The following SLC2A1 variants were observed in gnomAD, a reference collection of about 807,000 sequenced individuals.
SLC2A1 encodes the protein solute carrier family 2, facilitated glucose transporter member 1.
Under a neutral mutation model 46.6 loss-of-function variants are expected in SLC2A1, and 4 were observed. The ratio of observed to expected loss-of-function variants is 0.09; its 90% CI spans 0.04 to 0.20. SLC2A1 has a LOEUF of 0.20. Ranked by LOEUF, SLC2A1 falls within the 10% of genes least tolerant of loss-of-function variation. The pLI is 1.00. For synonymous variants in SLC2A1, 253 were observed against 270.0 expected (o/e 0.94, Z 0.62); for missense variants, 352 against 667.0 (o/e 0.53, Z 5.20).
rs752230113 is a variant in SLC2A1, at chr1:42,929,805, G to GT, written c.680-26_680-25insA. On this transcript the variant is annotated intron_variant, in intron 5 of 9. Coordinates refer to ENST00000426263, the MANE Select transcript of SLC2A1 (RefSeq NM_006516.4). This position sits in a 1 kb window ranked among gnomAD's most constrained non-coding sequence, Gnocchi z 6.0. ...ACTGGGGGGACCGGAGGGAAGGTGA[G>GT]GGTGGCTCAGAGTGGGAAGAAGGCC... 3 of 1,614,204 alleles carry GT rather than the reference G, an allele frequency of 1.9e-6. No homozygotes were observed. The highest frequency in any genetic ancestry group is 2.5e-6 in the Non-Finnish European group (3 of 1,179,996).
chr1:42,936,673 A>C (rs780809035), intron 2 of SLC2A1, among the ~76,000 whole-genome samples: 12 of 152,146 alleles, frequency 7.9e-5, no homozygotes, highest in Non-Finnish European at 1.3e-4. Context: ...GCCTCCCGGT[A>C]GACAGAGGAA....
intron 1 of SLC2A1, chr1:42,951,964 C>T (rs1174311120): frequency 4.9e-6 from 2 of 404,874 alleles, no homozygotes; most frequent in Non-Finnish European, 8.7e-6. Flanking sequence ...TGGAATTCAT[C>T]CTTAGACGCA....
intron 2 of SLC2A1, among the ~76,000 whole-genome samples, chr1:42,940,903 C>G (rs909447069): frequency 3.9e-5 from 6 of 152,156 alleles, no homozygotes; most frequent in African/African-American, 1.2e-4. Flanking sequence ...TGTGTCACCC[C>G]ACGCCTCCAT....
chr1:42,927,319 C>A lies in SLC2A1; in HGVS notation c.1279-78G>T. The A allele has an allele frequency of 7.4e-7, 1 of 1,345,778 alleles. No individual in the cohort carries two copies. Among genetic ancestry groups the A allele is most frequent in the East Asian group, 2.4e-5 (1 of 42,126 alleles). The allele number at this position is 1,345,778 out of a possible 1,614,324, so 83.4% of individuals were successfully genotyped here. A position where few individuals can be genotyped will look rare whatever the true frequency, so the allele number is the denominator to read the frequency against. On this transcript the variant is annotated intron_variant, in intron 9 of 9. Coordinates refer to ENST00000426263, the MANE Select transcript of SLC2A1 (RefSeq NM_006516.4). The surrounding 1 kb of genome is among the most constrained non-coding windows in gnomAD (Gnocchi z 5.3). ...GTAGGACTTTGGATAAGTCACTTTA[C>A]CTTTGGGCCTTTGAGCTGAAAAGGG...
intron 1 of SLC2A1, among the ~76,000 whole-genome samples, chr1:42,958,254 C>T (rs1193706949): frequency 1.3e-5 from 2 of 151,420 alleles, no homozygotes; most frequent in Non-Finnish European, 3.0e-5. Flanking sequence ...GCCCCCTCCC[C>T]CGCACCGGGA....
chr1:42,931,347 C>T (rs1008872649), intron 2 of SLC2A1, 141 bp from the exon 3 acceptor site: 12 of 858,876 alleles, frequency 1.4e-5, no homozygotes, highest in Non-Finnish European at 1.9e-5. Flanking sequence ...TGAGCCAAGT[C>T]CCTCTATTTT....
chr1:42,955,143 G>T (rs1273625853), intron 1 of SLC2A1, among the ~76,000 whole-genome samples: 1 of 152,204 alleles, frequency 6.6e-6, no homozygotes, highest in Non-Finnish European at 1.5e-5. Flanking sequence ...CCAAGGCCCA[G>T]GTACAAGTCA....
chr1:42,927,642 G>A lies in SLC2A1; in HGVS notation c.1241C>T (p.Ser414Leu). The A allele has an allele frequency of 6.2e-7, 1 of 1,614,180 alleles. No homozygotes were observed. ...GAAGCACATGCCCACAATGAAATTT[G>A]AGGTCCAGTTGGAGAAGCCTGCAAC... ...IAVAGFSNWT[S>L]NFIVGMCFQY... Residue 414 changes from serine to leucine, a missense_variant, in exon 9 of 10, where the codon TCA becomes TTA. Physicochemically the swap from Ser to Leu is moderately radical, Grantham distance 145. Transcript: ENST00000426263. The surrounding 1 kb of genome is among the most constrained non-coding windows in gnomAD (Gnocchi z 5.3).
chr1:42,933,592 A>G (rs1302509193), intron 2 of SLC2A1, among the ~76,000 whole-genome samples: 2 of 152,136 alleles, frequency 1.3e-5, no homozygotes, highest in Non-Finnish European at 2.9e-5. Flanking sequence ...CAAAAAACAG[A>G]GTAACAAAAT....
intron 1 of SLC2A1, chr1:42,952,686 C>A: frequency 4.8e-6 from 1 of 207,214 alleles, no homozygotes; most frequent in Non-Finnish European, 1.0e-5. Context: ...TCACACGCAG[C>A]AGGGAGCTGA....
intron 1 of SLC2A1, among the ~76,000 whole-genome samples, chr1:42,945,831 G>A (rs1474076872): frequency 1.3e-5 from 2 of 152,168 alleles, no homozygotes; most frequent in Admixed American, 1.3e-4. Flanking sequence ...GGGACAGGGT[G>A]AAAGGGAGAT....
intron 1 of SLC2A1, among the ~76,000 whole-genome samples, chr1:42,949,206 C>G (rs188474532): frequency 2.0e-5 from 3 of 151,988 alleles, no homozygotes; most frequent in Non-Finnish European, 4.4e-5. Context: ...AGATATTGCA[C>G]GACTGCATTC....
At chr1:42,951,121 T>C (rs1024140321) in intron 1 of SLC2A1, among the ~76,000 whole-genome samples, 1 of 152,206 alleles carries the variant, frequency 6.6e-6, no homozygotes, top group Non-Finnish European at 1.5e-5. Context: ...GATAAAACTA[T>C]ACCAAATCCC....
In SLC2A1 at chr1:42,930,330, G is replaced by T; in HGVS notation, c.517-295C>A. 1 of 630,220 alleles carries T rather than the reference G, an allele frequency of 1.6e-6. No individual in the cohort carries two copies. The highest frequency in any genetic ancestry group is 2.8e-5 in the East Asian group (1 of 35,950). The allele number at this position is 630,220 out of a possible 1,614,324, so 39.0% of individuals were successfully genotyped here. ...AGAGGGTTTTGGGGACAGGGAAGGG[G>T]AAGCCTCCTGGAGAGAGGGTACTGT... On this transcript the variant is annotated intron_variant, in intron 4 of 9. Transcript: ENST00000426263. The surrounding 1 kb of genome is among the most constrained non-coding windows in gnomAD (Gnocchi z 6.2).
At chr1:42,949,394 T>G (rs537337345) in intron 1 of SLC2A1, among the ~76,000 whole-genome samples, 1 of 152,220 alleles carries the variant, frequency 6.6e-6, no homozygotes, top group African/African-American at 2.4e-5. Context: ...AAGCCAGGGT[T>G]GGGACTAGAG....
rs747465377 is a variant in SLC2A1, at chr1:42,930,482, C to T, written c.516+144G>A. ...CTGGGAGGCCATGGTGCTGTGTTCT[C>T]TGGACCTGTGTACCATAGTTGTCCT... On this transcript the variant is annotated intron_variant, in intron 4 of 9. Coordinates refer to ENST00000426263, the MANE Select transcript of SLC2A1 (RefSeq NM_006516.4). This position sits in a 1 kb window ranked among gnomAD's most constrained non-coding sequence, Gnocchi z 6.2. The T allele has an allele frequency of 1.4e-5, 16 of 1,114,586 alleles. No individual in the cohort carries two copies. The highest frequency in any genetic ancestry group is 1.9e-5 in the Non-Finnish European group (14 of 748,798). 69.0% of individuals were successfully genotyped at this position (1,114,586 alleles called of 1,614,324 possible). A position where few individuals can be genotyped will look rare whatever the true frequency, so the allele number is the denominator to read the frequency against.
At chr1:42,933,624 G>A (rs967269181) in intron 2 of SLC2A1, among the ~76,000 whole-genome samples, 4 of 152,176 alleles carry the variant, frequency 2.6e-5, no homozygotes, top group Middle Eastern at 3.4e-3. Flanking sequence ...TTCTGTGGAC[G>A]AAACTAACCC....
chr1:42,957,263 T>C (rs1228708141), intron 1 of SLC2A1, among the ~76,000 whole-genome samples: 2 of 152,216 alleles, frequency 1.3e-5, no homozygotes, highest in Non-Finnish European at 2.9e-5. Context: ...TCACCTAAGA[T>C]CCTGGGAGCC....
At chr1:42,941,061 C>T (rs751675937) in intron 2 of SLC2A1, among the ~76,000 whole-genome samples, 2 of 152,240 alleles carry the variant, frequency 1.3e-5, no homozygotes, top group African/African-American at 2.4e-5. Context: ...CCTGTCCATT[C>T]TTCCTCTGAG....
Sources: allele counts gnomAD v4.1 joint callset (sites outside exome capture counted in the v4.1 genomes callset), GRCh38; gene constraint gnomAD v4.1.1; non-coding constraint Gnocchi (gnomAD v3.1); transcripts MANE v1.5; gene names NCBI Gene and HGNC (gene_info 2026-07-23, HGNC 2026-07-21).